Variants in SDK2 observed in about 807,000 individuals in gnomAD.
SDK2 encodes the protein protein sidekick-2.
Under a neutral mutation model 253.9 loss-of-function variants are expected in SDK2, and 105 were observed. That is an observed-to-expected ratio of 0.41 (90% confidence interval 0.35 to 0.49). SDK2 has a LOEUF of 0.49. SDK2 is among the 20% of genes least tolerant of loss of function. The pLI is 0.06. For synonymous variants in SDK2, 1,249 were observed against 1,234.9 expected (o/e 1.01, Z -0.24); for missense variants, 2,608 against 3,003.0 (o/e 0.87, Z 3.07).
rs960568375 is a variant in SDK2 at position 73,611,417 on chromosome 17, G to A, written c.64+32608C>T. On this transcript the variant is annotated intron_variant, in intron 1 of 44. Coordinates refer to ENST00000392650, the MANE Select transcript of SDK2 (RefSeq NM_001144952.2). The stretch of plus-strand genomic sequence containing the variant: ...AGGGCCACTCAGAGGCCTCCAGGAG[G>A]CCAGGCTATGGCATAGCAAGGCTGG... Among the ~76,000 whole-genome samples, 3 of 152,336 alleles carry A rather than the reference G, an allele frequency of 2.0e-5. No homozygotes were observed. In the South Asian group the frequency reaches 6.2e-4, roughly 32 times the overall value.
intron 1 of SDK2, among the ~76,000 whole-genome samples, chr17:73,555,000 G>C (rs1468926132): frequency 2.0e-5 from 3 of 152,246 alleles, no homozygotes; most frequent in African/African-American, 7.2e-5. Context: ...GCCCAGACTG[G>C]CTGGGGACCA....
rs2045949146 is a variant in SDK2 at position 73,609,587 on chromosome 17, A to C, written c.64+34438T>G. Among the ~76,000 whole-genome samples the C allele has an allele frequency of 6.6e-6, 1 of 152,226 alleles. No individual in the cohort carries two copies. Among genetic ancestry groups the C allele is most frequent in the African/African-American group, 2.4e-5 (1 of 41,458 alleles). Reference sequence around the variant, plus strand: ...GACATGCAGTGGAAGCTGACAGGGAAAACGGCTCAAGAGAAGGTTTGTTTT... The same window carrying C: ...GACATGCAGTGGAAGCTGACAGGGACAACGGCTCAAGAGAAGGTTTGTTTT... On this transcript the variant is annotated intron_variant, in intron 1 of 44. Coordinates refer to ENST00000392650, the MANE Select transcript of SDK2 (RefSeq NM_001144952.2). This position sits in a 1 kb window ranked among gnomAD's most constrained non-coding sequence, Gnocchi z 4.4.
intron 1 of SDK2, among the ~76,000 whole-genome samples, chr17:73,561,535 C>T (rs2045234364): frequency 6.6e-6 from 1 of 152,200 alleles, no homozygotes; most frequent in Admixed American, 6.5e-5. Flanking sequence ...GTCCTGGGCT[C>T]TAGGAGACAT....
intron 21 of SDK2, among the ~76,000 whole-genome samples, chr17:73,400,665 T>A (rs559659028): frequency 3.3e-5 from 5 of 151,358 alleles, no homozygotes; most frequent in South Asian, 4.2e-4. Flanking sequence ...TTTTTATTTT[T>A]TTTTTTGAGA....
chr17:73,350,400 C>T (rs1395586597), intron 42 of SDK2, 25 bp from the exon 43 acceptor site: 1 of 1,603,830 alleles, frequency 6.2e-7, no homozygotes, highest in East Asian at 2.2e-5. Flanking sequence ...AGATTGACAC[C>T]CTTTAGACTG....
chr17:73,606,733 T>C (rs1487128562), intron 1 of SDK2, among the ~76,000 whole-genome samples: 1 of 152,074 alleles, frequency 6.6e-6, no homozygotes, highest in Non-Finnish European at 1.5e-5. Flanking sequence ...ATCCACCCCA[T>C]CCACGCAGAA....
rs115664179 is a variant in SDK2 at position 73,604,764 on chromosome 17, G to A, written c.64+39261C>T. Among the ~76,000 whole-genome samples the A allele has an allele frequency of 6.6e-3, 1,007 of 152,346 alleles. 7 individuals carry two copies. Among genetic ancestry groups the A allele is most frequent in the African/African-American group, 0.023 (939 of 41,580 alleles). ...AATGAGGAGGCTCAGCTTGGGCGGT[G>A]GGGCTAAGGGAAGGACTGGAAGACC... On this transcript the variant is annotated intron_variant, in intron 1 of 44. Transcript: ENST00000392650.
chr17:73,508,444 T>A (rs963518061), intron 1 of SDK2, among the ~76,000 whole-genome samples: 1 of 152,126 alleles, frequency 6.6e-6, no homozygotes, highest in African/African-American at 2.4e-5. Context: ...AGGGAACTGA[T>A]GGAACAATGG....
At chr17:73,384,160 T>C (rs1479980691) in intron 32 of SDK2, 149 bp from the exon 33 acceptor site, 2 of 926,462 alleles carry the variant, frequency 2.2e-6, no homozygotes, top group Non-Finnish European at 3.2e-6. Context: ...ATTTTAAATT[T>C]ACAAAGCACT....
At chr17:73,602,349 G>A (rs1458935673) in intron 1 of SDK2, among the ~76,000 whole-genome samples, 1 of 152,146 alleles carries the variant, frequency 6.6e-6, no homozygotes, top group African/African-American at 2.4e-5. Context: ...AGGACGGGGA[G>A]CCTCTTCCTC....
intron 2 of SDK2, among the ~76,000 whole-genome samples, chr17:73,475,376 TC>T (rs1305205690): frequency 6.6e-6 from 1 of 152,210 alleles, no homozygotes; most frequent in Non-Finnish European, 1.5e-5. Context: ...GGTCTCGAAC[TC>T]CTGACCTCAG....
chr17:73,401,864 C>G, intron 19 of SDK2, 82 bp downstream of exon 19: 1 of 1,388,208 alleles, frequency 7.2e-7, no homozygotes, highest in Middle Eastern at 2.3e-4. Context: ...GGGAGACAAG[C>G]CTGGGCCACC....
chr17:73,349,568 G>C (rs939786113), intron 43 of SDK2, among the ~76,000 whole-genome samples: 1 of 152,244 alleles, frequency 6.6e-6, no homozygotes, highest in Non-Finnish European at 1.5e-5. Context: ...GATGGCCACA[G>C]GGAGTAGGGC....
chr17:73,518,488 T>A (rs12450312), intron 1 of SDK2: 56,494 of 152,048 alleles, frequency 0.37, 12,006 homozygotes, highest in African/African-American at 0.58. Flanking sequence ...CTGCAAGCCC[T>A]TCTCATAGCC....
chr17:73,555,026 G>T (rs555431777), intron 1 of SDK2, among the ~76,000 whole-genome samples: 8 of 152,348 alleles, frequency 5.3e-5, no homozygotes, highest in Middle Eastern at 3.4e-3. Flanking sequence ...GGAGGAAGGA[G>T]GATGGGGGAG....
chr17:73,454,672 A>G (rs531153595), intron 4 of SDK2, among the ~76,000 whole-genome samples: 1 of 152,308 alleles, frequency 6.6e-6, no homozygotes, highest in Non-Finnish European at 1.5e-5. Flanking sequence ...GCCATTCAAT[A>G]AACGGCAGCT....
chr17:73,627,642 A>G (rs2046218837), intron 1 of SDK2, among the ~76,000 whole-genome samples: 1 of 152,244 alleles, frequency 6.6e-6, no homozygotes, highest in Non-Finnish European at 1.5e-5. Context: ...GGCCCCTAAC[A>G]GAGCCCCTCG....
At chr17:73,401,233 G>A in intron 20 of SDK2, 22 bp from the exon 21 acceptor site, 1 of 1,530,336 alleles carries the variant, frequency 6.5e-7, no homozygotes, top group Non-Finnish European at 8.8e-7. Context: ...CGCCGTGTTG[G>A]CATGAGCTTG....
At chr17:73,480,402 T>C (rs1327028516) in intron 2 of SDK2, among the ~76,000 whole-genome samples, 1 of 152,190 alleles carries the variant, frequency 6.6e-6, no homozygotes, top group Non-Finnish European at 1.5e-5. Context: ...TCAAAAATTG[T>C]TGCTGAGTGC....
Sources: allele counts gnomAD v4.1 joint callset (sites outside exome capture counted in the v4.1 genomes callset), GRCh38; gene constraint gnomAD v4.1.1; non-coding constraint Gnocchi (gnomAD v3.1); transcripts MANE v1.5; gene names NCBI Gene and HGNC (gene_info 2026-07-23, HGNC 2026-07-21).